EPHA5: variants seen among roughly 807,000 people sequenced by gnomAD.
EPHA5 encodes ephrin type-A receptor 5.
In EPHA5, 60 loss-of-function variants were observed where a neutral mutation model predicts 105.0. The ratio of observed to expected loss-of-function variants is 0.57; its 90% CI spans 0.46 to 0.71. The LOEUF (loss-of-function observed/expected upper bound fraction) is 0.71. Among genes scored for constraint, EPHA5 ranks in the 30% least tolerant of loss-of-function variants. The pLI is 0.00. For synonymous variants in EPHA5, 513 were observed against 449.1 expected (o/e 1.14, Z -1.80); for missense variants, 1,218 against 1,274.7 (o/e 0.96, Z 0.68).
At chr4:65,636,490 G>C (rs1460350730) in intron 2 of EPHA5, among the ~76,000 whole-genome samples, 1 of 152,024 alleles carries the variant, frequency 6.6e-6, no homozygotes, top group Middle Eastern at 3.4e-3. Flanking sequence ...GCAAAGCCTT[G>C]GGAAAGTCAC....
intron 11 of EPHA5, among the ~76,000 whole-genome samples, chr4:65,363,845 T>C (rs545849510): frequency 1.3e-5 from 2 of 151,720 alleles, no homozygotes; most frequent in East Asian, 1.9e-4. Context: ...CAAATTCTGA[T>C]TTTATTTTAT....
At chr4:65,491,587 C>T (rs1731407058) in intron 4 of EPHA5, among the ~76,000 whole-genome samples, 1 of 151,946 alleles carries the variant, frequency 6.6e-6, no homozygotes, top group Non-Finnish European at 1.5e-5. Flanking sequence ...AGTGAAACTT[C>T]CTAACTTCAT....
chr4:65,417,169 G>A (rs867482078), intron 6 of EPHA5, among the ~76,000 whole-genome samples: 6 of 152,180 alleles, frequency 3.9e-5, no homozygotes, highest in African/African-American at 7.2e-5. Context: ...ATCATCACAC[G>A]GTAGCAGAGA....
intron 5 of EPHA5, among the ~76,000 whole-genome samples, chr4:65,465,475 G>T (rs868150136): frequency 1.4e-5 from 1 of 73,514 alleles, no homozygotes. Context: ...GAAAAAGAAA[G>T]AAAGAAAGAA....
At chr4:65,398,100 G>T (rs901750218) in intron 8 of EPHA5, among the ~76,000 whole-genome samples, 3 of 152,314 alleles carry the variant, frequency 2.0e-5, no homozygotes, top group African/African-American at 7.2e-5. Flanking sequence ...AGCCACAGCT[G>T]AGGAACCAAG....
intron 5 of EPHA5, among the ~76,000 whole-genome samples, chr4:65,426,004 G>A (rs548853915): frequency 1.6e-4 from 25 of 152,120 alleles, no homozygotes; most frequent in African/African-American, 5.1e-4. Context: ...GTCCACCCTC[G>A]TTGAAGACGC....
chr4:65,465,550 GGAAGGAAAGGAAGGA>G (rs1728627195), intron 5 of EPHA5, among the ~76,000 whole-genome samples: 2 of 58,900 alleles, frequency 3.4e-5, no homozygotes, highest in African/African-American at 1.1e-4. Context: ...AGGAAGGAAA[GGAAGGAAAGGAAGGA>G]AAGGAAGGAA....
chr4:65,507,049 T>A (rs143262301), intron 3 of EPHA5, among the ~76,000 whole-genome samples: 34,320 of 152,086 alleles, frequency 0.23, 4,073 homozygotes, highest in Middle Eastern at 0.33. Context: ...TTTTATAAGG[T>A]GTAAGGAAGG....
At chr4:65,529,480 C>G (rs1735559212) in intron 3 of EPHA5, among the ~76,000 whole-genome samples, 1 of 150,520 alleles carries the variant, frequency 6.6e-6, no homozygotes, top group South Asian at 2.1e-4. Flanking sequence ...ACAACATATT[C>G]AGTTATGTAC....
Position 65,670,035 on chromosome 4 carries a change from T to C in EPHA5, c.-293A>G. ...GTGTCGAGAGGGTCCTGGGTCCTGT[T>C]CCTTTGCCTTTCAAAAAGACTTTTT... On this transcript the variant is annotated 5_prime_UTR_variant, in exon 1 of 17. Coordinates refer to ENST00000613740, the MANE Select transcript of EPHA5 (RefSeq NM_001281766.3). 1 of 386,202 alleles carries C rather than the reference T, an allele frequency of 2.6e-6. No homozygotes were observed. The highest frequency in any genetic ancestry group is 4.5e-6 in the Non-Finnish European group (1 of 221,366). The allele number at this position is 386,202 out of a possible 1,614,324, so 23.9% of individuals were successfully genotyped here.
chr4:65,431,418 G>A (rs1290454001), intron 5 of EPHA5, among the ~76,000 whole-genome samples: 1 of 151,988 alleles, frequency 6.6e-6, no homozygotes, highest in Non-Finnish European at 1.5e-5. Flanking sequence ...CATAAAACAT[G>A]CATGTGGAGT....
chr4:65,622,154 A>T (rs1012055081), intron 2 of EPHA5, among the ~76,000 whole-genome samples: 2 of 152,118 alleles, frequency 1.3e-5, no homozygotes, highest in African/African-American at 4.8e-5. Flanking sequence ...TTTATTTTCT[A>T]GAAAAGTAAC....
chr4:65,471,887 C>G (rs572060457), intron 5 of EPHA5, among the ~76,000 whole-genome samples: 1 of 152,234 alleles, frequency 6.6e-6, no homozygotes, highest in Middle Eastern at 3.4e-3. Flanking sequence ...CCTGGCCCCT[C>G]CCAAATCTAA....
At chr4:65,514,740 T>C (rs959946263) in intron 3 of EPHA5, among the ~76,000 whole-genome samples, 10 of 152,138 alleles carry the variant, frequency 6.6e-5, no homozygotes, top group African/African-American at 2.4e-4. Flanking sequence ...CGTCATCAAA[T>C]CTCATGCCAT....
At chr4:65,396,121 G>A (rs78500969) in intron 8 of EPHA5, among the ~76,000 whole-genome samples, 21,633 of 152,218 alleles carry the variant, frequency 0.14, 1,861 homozygotes, top group East Asian at 0.23. Flanking sequence ...TGCTCCTGCT[G>A]CCTGGCCTCT....
At chr4:65,479,889 CAT>C (rs1308989194) in intron 5 of EPHA5, among the ~76,000 whole-genome samples, 15 of 151,914 alleles carry the variant, frequency 9.9e-5, no homozygotes, top group Non-Finnish European at 1.6e-4. Flanking sequence ...AAACAAACAA[CAT>C]ATTAAAATGG....
chr4:65,440,527 C>CACAT (rs1725911095), intron 5 of EPHA5, among the ~76,000 whole-genome samples: 1 of 151,578 alleles, frequency 6.6e-6, no homozygotes, highest in South Asian at 2.1e-4. Flanking sequence ...CACACACACA[C>CACAT]ACACACAGAG....
intron 3 of EPHA5, among the ~76,000 whole-genome samples, chr4:65,516,776 T>C (rs1305182130): frequency 6.6e-6 from 1 of 152,152 alleles, no homozygotes; most frequent in Non-Finnish European, 1.5e-5. Flanking sequence ...TATTACAATG[T>C]CTTTTAGACT....
At chr4:65,641,791 C>G (rs4608859) in intron 2 of EPHA5, among the ~76,000 whole-genome samples, 88,054 of 151,646 alleles carry the variant, frequency 0.58, 25,691 homozygotes, top group Middle Eastern at 0.69. Context: ...TGAAAAGGAT[C>G]CTTATTGTTT....
Sources: allele counts gnomAD v4.1 joint callset (sites outside exome capture counted in the v4.1 genomes callset), GRCh38; gene constraint gnomAD v4.1.1; transcripts MANE v1.5; gene names NCBI Gene and HGNC (gene_info 2026-07-23, HGNC 2026-07-21).